The following MTDH variants were observed in gnomAD, a reference collection of about 807,000 sequenced individuals.
MTDH encodes metadherin, also known as protein LYRIC.
A neutral mutation model predicts 72.7 loss-of-function variants in MTDH; 34 were observed. That is an observed-to-expected ratio of 0.47 (90% CI 0.36 to 0.62). The LOEUF is 0.62. Ranked by LOEUF, MTDH falls within the 20% of genes least tolerant of loss-of-function variation. The pLI is 0.00. For synonymous variants in MTDH, 266 were observed against 268.9 expected (o/e 0.99, Z 0.10); for missense variants, 677 against 699.4 (o/e 0.97, Z 0.36).
In MTDH at chr8:97,644,810, G is replaced by A; in HGVS notation, c.304G>A (p.Asp102Asn). The part of the protein sequence containing the change: ...AAAVPAAAPD[D>N]LALLKNLRSE... ...GGCCGTGCCGGCCGCGGCCCCCGAC[G>A]ACCTGGCCTTGCTGAAGAATCTCCG... Residue 102 changes from aspartate (D) to asparagine (N), a missense_variant, in exon 1 of 12, where the codon GAC becomes AAC. Around this residue, in one of 3 missense-constraint regions of MTDH, gnomAD observed 467 missense variants for 469.1 expected, o/e 1.00. Transcript: ENST00000336273. 6.4e-7 allele frequency: 1 copy of A among 1,571,916 alleles called. No homozygotes were observed. The highest frequency in any genetic ancestry group is 2.0e-5 in the Admixed American group (1 of 50,358).
At chr8:97,685,993 G>A (rs1259488188) in intron 2 of MTDH, among the ~76,000 whole-genome samples, 1 of 152,148 alleles carries the variant, frequency 6.6e-6, no homozygotes, top group Non-Finnish European at 1.5e-5. Flanking sequence ...GCCATAACTT[G>A]TATGCGTATA....
At chr8:97,672,257 T>C (rs184704772) in intron 2 of MTDH, among the ~76,000 whole-genome samples, 3 of 152,332 alleles carry the variant, frequency 2.0e-5, no homozygotes, top group Non-Finnish European at 4.4e-5. Context: ...AGAGACCTTA[T>C]GATCTGCAAA....
chr8:97,695,384 T>G (rs1813795344), intron 6 of MTDH, among the ~76,000 whole-genome samples: 1 of 152,154 alleles, frequency 6.6e-6, no homozygotes, highest in Non-Finnish European at 1.5e-5. Flanking sequence ...AATGCTGGGT[T>G]TAGAGGCATG....
At chr8:97,717,436 T>C (rs1814917686) in intron 9 of MTDH, among the ~76,000 whole-genome samples, 1 of 152,246 alleles carries the variant, frequency 6.6e-6, no homozygotes, top group African/African-American at 2.4e-5. Flanking sequence ...GAAATCTTGC[T>C]GCCCTGATGT....
intron 2 of MTDH, among the ~76,000 whole-genome samples, chr8:97,668,748 T>A (rs1270255291): frequency 6.6e-6 from 1 of 152,084 alleles, no homozygotes. Context: ...AGAGATGGGA[T>A]TTCACCATGT....
intron 1 of MTDH, among the ~76,000 whole-genome samples, chr8:97,649,587 T>G (rs897264124): frequency 6.6e-6 from 1 of 152,164 alleles, no homozygotes; most frequent in Non-Finnish European, 1.5e-5. Flanking sequence ...GTCTCTTTAT[T>G]TATGATTATT....
At chr8:97,711,337 T>TAAA (rs540690196) in intron 8 of MTDH, among the ~76,000 whole-genome samples, 24 of 130,062 alleles carry the variant, frequency 1.8e-4, no homozygotes, top group Admixed American at 1.6e-3. Context: ...TATCTCTAAT[T>TAAA]AAAAAAAAAA....
intron 1 of MTDH, among the ~76,000 whole-genome samples, chr8:97,649,739 G>T (rs547874835): frequency 6.6e-6 from 1 of 152,036 alleles, no homozygotes; most frequent in African/African-American, 2.4e-5. Flanking sequence ...GAGTGGCTGG[G>T]ATTACAGGTG....
At chr8:97,665,138 C>T (rs1032223305) in intron 2 of MTDH, among the ~76,000 whole-genome samples, 3 of 152,068 alleles carry the variant, frequency 2.0e-5, no homozygotes, top group Non-Finnish European at 2.9e-5. Context: ...TTTTTGCTCT[C>T]GGAGCCATAT....
chr8:97,660,988 A>T (rs926697718), intron 1 of MTDH, 84 bp from the exon 2 acceptor site: 1 of 989,156 alleles, frequency 1.0e-6, no homozygotes, highest in African/African-American at 1.6e-5. Context: ...ATTTGATTGT[A>T]GTATATATGG....
intron 7 of MTDH, among the ~76,000 whole-genome samples, chr8:97,700,277 A>G (rs1814054725): frequency 1.3e-5 from 2 of 152,208 alleles, no homozygotes; most frequent in Admixed American, 6.5e-5. Context: ...AAGACATTTT[A>G]GAAGGGAAGA....
At chr8:97,666,668 G>A (rs1234960979) in intron 2 of MTDH, among the ~76,000 whole-genome samples, 1 of 152,116 alleles carries the variant, frequency 6.6e-6, no homozygotes, top group Admixed American at 6.6e-5. Flanking sequence ...ATGAACCAAG[G>A]CAGTGGAACC....
At position 97,728,861 on chromosome 8, in the gene MTDH, G is replaced by A. The variant is rs1350362599; in HGVS notation, c.*4191G>A. The A allele has an allele frequency of 6.6e-6, 1 of 150,574 alleles. No homozygotes were observed. The highest frequency in any genetic ancestry group is 1.9e-4 in the East Asian group (1 of 5,172). 9.3% of individuals were successfully genotyped at this position (150,574 alleles called of 1,614,324 possible). A position where few individuals can be genotyped will look rare whatever the true frequency, so the allele number is the denominator to read the frequency against. On this transcript the variant is annotated 3_prime_UTR_variant, in exon 12 of 12. Coordinates refer to ENST00000336273, the MANE Select transcript of MTDH (RefSeq NM_178812.4). ...CCCATATGACATTATGCAGGGTCAGGGATCCGGGTTCTTTCTATATTGTTC... is the reference window on the plus strand; with the variant it reads ...CCCATATGACATTATGCAGGGTCAGAGATCCGGGTTCTTTCTATATTGTTC...
chr8:97,654,752 TAC>T (rs531504303), intron 1 of MTDH, among the ~76,000 whole-genome samples: 2 of 151,422 alleles, frequency 1.3e-5, no homozygotes, highest in Non-Finnish European at 1.5e-5. Context: ...ATTATATATA[TAC>T]ACACACACAC....
At chr8:97,680,483 G>A (rs1003550218) in intron 2 of MTDH, among the ~76,000 whole-genome samples, 6 of 152,178 alleles carry the variant, frequency 3.9e-5, no homozygotes, top group Non-Finnish European at 8.8e-5. Flanking sequence ...TCTTTTAGGA[G>A]TGTTATGGTG....
chr8:97,652,793 G>A (rs1218457665), intron 1 of MTDH, among the ~76,000 whole-genome samples: 1 of 152,070 alleles, frequency 6.6e-6, no homozygotes, highest in Non-Finnish European at 1.5e-5. Context: ...GCCACCTATA[G>A]AGTTTTCTTT....
chr8:97,700,639 T>C (rs779184960), intron 7 of MTDH, among the ~76,000 whole-genome samples: 4 of 152,232 alleles, frequency 2.6e-5, no homozygotes, highest in Non-Finnish European at 4.4e-5. Flanking sequence ...GGCACTGGTC[T>C]TAGTCTTTTG....
At chr8:97,660,646 G>T (rs1482113097) in intron 1 of MTDH, among the ~76,000 whole-genome samples, 1 of 152,050 alleles carries the variant, frequency 6.6e-6, no homozygotes, top group Admixed American at 6.6e-5. Context: ...CTATCTGGCT[G>T]TTTACAGAAA....
Position 97,686,719 on chromosome 8 carries a change from A to C in MTDH, c.535A>C (p.Ser179Arg), listed in dbSNP as rs200266145. ...SKSDAKAVQN[S>R]SRHDGKEVDE... ...GTCAGATGCTAAAGCAGTGCAAAACAGTTCACGCCATGATGGAAAGGAAGT... is the reference window on the plus strand; with the variant it reads ...GTCAGATGCTAAAGCAGTGCAAAACCGTTCACGCCATGATGGAAAGGAAGT... The change falls in exon 3 of 12, where the codon AGT becomes CGT. Residue 179 changes from serine to arginine, a missense_variant. Coordinates refer to ENST00000336273, the MANE Select transcript of MTDH (RefSeq NM_178812.4). The C allele has an allele frequency of 6.3e-7, 1 of 1,596,720 alleles. No homozygotes were observed. The highest frequency in any genetic ancestry group is 8.5e-7 in the Non-Finnish European group (1 of 1,172,148).
Sources: gnomAD v4.1 joint callset for allele counts (sites outside exome capture counted in the v4.1 genomes callset) on GRCh38, gnomAD v4.1.1 for gene constraint, gnomAD v4.1.1 regional missense constraint, MANE v1.5 for transcripts, NCBI Gene and HGNC (gene_info 2026-07-23, HGNC 2026-07-21) for gene names.